ALPK1: variants seen among roughly 807,000 people sequenced by gnomAD.
ALPK1 encodes the protein alpha kinase 1, also known as alpha-protein kinase 1.
In ALPK1, 110 loss-of-function variants were observed where a neutral mutation model predicts 120.6. The ratio of observed to expected loss-of-function variants is 0.91; its 90% CI spans 0.78 to 1.07. The LOEUF (loss-of-function observed/expected upper bound fraction) is 1.07, where lower values mean the gene tolerates loss of function less well. ALPK1 is among the 50% of genes least tolerant of loss of function. The probability of loss-of-function intolerance (pLI) is 0.00; values close to 1 mark genes in which losing one functional copy is unlikely to be tolerated. For missense variants in ALPK1, 1,498 were observed against 1,483.9 expected, an observed-to-expected ratio of 1.01 and a Z score of -0.16; for synonymous variants, 582 against 560.3, an observed-to-expected ratio of 1.04 and a Z score of -0.55.
rs145557510 is a variant in ALPK1 at position 112,299,070 on chromosome 4, C to G, written c.-153+1601C>G. 1.6e-3 allele frequency among the ~76,000 whole-genome samples: 236 copies of G among 152,090 alleles called. 3 individuals carry two copies. The highest frequency in any genetic ancestry group is 5.5e-3 in the African/African-American group (227 of 41,512). ...TTTAAACTTTTGGTGAAAATATATT[C>G]CATATTTTTGTTTTTTTTGTATTTT... On this transcript the variant is annotated intron_variant, in intron 1 of 15. Coordinates refer to ENST00000650871, the MANE Select transcript of ALPK1 (RefSeq NM_025144.4).
At chr4:112,419,193 A>G (rs1733878035) in intron 5 of ALPK1, among the ~76,000 whole-genome samples, 1 of 152,216 alleles carries the variant, frequency 6.6e-6, no homozygotes, top group South Asian at 2.1e-4. Context: ...TTCATTTGAT[A>G]TCTGTCATTT....
intron 2 of ALPK1, among the ~76,000 whole-genome samples, chr4:112,367,983 C>A (rs1043128653): frequency 6.6e-6 from 1 of 152,152 alleles, no homozygotes; most frequent in African/African-American, 2.4e-5. Flanking sequence ...CTCACTCCAA[C>A]CTCTGGCTCC....
chr4:112,376,353 C>G (rs563666080), intron 2 of ALPK1, among the ~76,000 whole-genome samples: 1 of 152,136 alleles, frequency 6.6e-6, no homozygotes, highest in Non-Finnish European at 1.5e-5. Flanking sequence ...GTAATAACCC[C>G]AAGCTTTGCC....
chr4:112,412,305 C>A (rs1308586039), intron 5 of ALPK1: 3 of 594,186 alleles, frequency 5.0e-6, no homozygotes, highest in Non-Finnish European at 9.4e-6. Flanking sequence ...ACAAATCTGT[C>A]CTGCTGCTTT....
rs542475979 is a variant in ALPK1 at position 112,423,859 on chromosome 4, A to G, written c.476-85A>G. 1.4e-4 allele frequency: 177 copies of G among 1,303,694 alleles called. 2 individuals carry two copies. The South Asian group carries it at 2.0e-3, about 15-fold the overall frequency. The allele number at this position is 1,303,694 out of a possible 1,614,324, so 80.8% of individuals were successfully genotyped here. On this transcript the variant is annotated intron_variant, in intron 5 of 15. Coordinates refer to ENST00000650871, the MANE Select transcript of ALPK1 (RefSeq NM_025144.4). ...AGGAGGTTACAGTTCCTGCTGCAAT[A>G]TATCAGTCTTAGAACATGAACAACT...
At chr4:112,405,680 A>G (rs2148744945) in intron 4 of ALPK1, among the ~76,000 whole-genome samples, 1 of 152,218 alleles carries the variant, frequency 6.6e-6, no homozygotes, top group Admixed American at 6.5e-5. Context: ...GATTCAAGTG[A>G]TTCTCCTGCC....
chr4:112,357,535 T>C, intron 2 of ALPK1: 1 of 1,035,606 alleles, frequency 9.7e-7, no homozygotes, highest in Non-Finnish European at 1.5e-6. Context: ...TCAGGGCATC[T>C]GCTTTATCAT....
In ALPK1 at chr4:112,405,766, G is replaced by A. The variant is rs796915405; in HGVS notation, c.277-6061G>A. On this transcript the variant is annotated intron_variant, in intron 4 of 15. Transcript: ENST00000650871. ...AATTTTTTGTATTTTTAGTAGAGACGGGGTTTCACTACGTTGGCCAGGCTG... is the reference window on the plus strand; with the variant it reads ...AATTTTTTGTATTTTTAGTAGAGACAGGGTTTCACTACGTTGGCCAGGCTG... 1.9e-4 allele frequency among the ~76,000 whole-genome samples: 29 copies of A among 152,138 alleles called. 1 individual carries two copies. Among genetic ancestry groups the A allele is most frequent in the African/African-American group, 6.0e-4 (25 of 41,498 alleles).
chr4:112,320,823 T>C (rs948055616), intron 2 of ALPK1, among the ~76,000 whole-genome samples: 4 of 152,068 alleles, frequency 2.6e-5, no homozygotes, highest in African/African-American at 9.7e-5. Context: ...AGTTCATGTG[T>C]GTAAAGGTTT....
chr4:112,309,187 TG>T (rs1411370832), intron 1 of ALPK1, among the ~76,000 whole-genome samples: 1 of 152,018 alleles, frequency 6.6e-6, no homozygotes, highest in Admixed American at 6.5e-5. Flanking sequence ...TTAGGCTACT[TG>T]GGGGTCAGGG....
At chr4:112,328,710 G>A (rs1190874313) in intron 2 of ALPK1, among the ~76,000 whole-genome samples, 1 of 152,112 alleles carries the variant, frequency 6.6e-6, no homozygotes, top group Non-Finnish European at 1.5e-5. Context: ...TTCTACTTTG[G>A]AGGACTAGTT....
At position 112,322,476 on chromosome 4, in the gene ALPK1, T is replaced by C. The variant is rs149988264; in HGVS notation, c.-101+6624T>C. 3.3e-5 allele frequency among the ~76,000 whole-genome samples: 5 copies of C among 152,352 alleles called. No homozygotes were observed. In the East Asian group the frequency reaches 5.8e-4, roughly 18 times the overall value. ...ACAAGATAGGTTACCCAGATTTAGCTTGCATCTGCTTTTATAAACATTTAA... is the reference window on the plus strand; with the variant it reads ...ACAAGATAGGTTACCCAGATTTAGCCTGCATCTGCTTTTATAAACATTTAA... On this transcript the variant is annotated intron_variant, in intron 2 of 15. Coordinates refer to ENST00000650871, the MANE Select transcript of ALPK1 (RefSeq NM_025144.4).
At chr4:112,323,279 A>G (rs2110548064) in intron 2 of ALPK1, among the ~76,000 whole-genome samples, 1 of 152,280 alleles carries the variant, frequency 6.6e-6, no homozygotes, top group East Asian at 1.9e-4. Context: ...TTTTTTCCTC[A>G]AAGTGGTAAA....
chr4:112,320,897 C>CTTT (rs397941407), intron 2 of ALPK1, among the ~76,000 whole-genome samples: 2,540 of 123,556 alleles, frequency 0.021, 148 homozygotes, highest in East Asian at 0.18. Flanking sequence ...CCATTTCTTT[C>CTTT]TTTTTTTTTT....
intron 1 of ALPK1, among the ~76,000 whole-genome samples, chr4:112,301,641 A>G (rs1727791862): frequency 1.3e-5 from 2 of 152,316 alleles, no homozygotes; most frequent in South Asian, 4.1e-4. Flanking sequence ...ATGTTCAACA[A>G]GCACTTGTGA....
intron 1 of ALPK1, among the ~76,000 whole-genome samples, chr4:112,297,945 G>A (rs77727050): frequency 0.013 from 1,937 of 150,074 alleles, 22 homozygotes; most frequent in Non-Finnish European, 0.021. Context: ...TAGGAAACAG[G>A]TAGATAAGGC....
chr4:112,395,151 C>G (rs948065427), intron 4 of ALPK1, among the ~76,000 whole-genome samples: 1 of 152,130 alleles, frequency 6.6e-6, no homozygotes, highest in Non-Finnish European at 1.5e-5. Flanking sequence ...GACAGTCCTG[C>G]AAAGTGAAAT....
In ALPK1 at chr4:112,428,074, G is replaced by A. The variant is rs150527779; in HGVS notation, c.795+409G>A. ...CATCAGTCCCTTGTTCCAGGCTCTC[G>A]TCCTTGATAATAATGACTGCTAATT... On this transcript the variant is annotated intron_variant, in intron 9 of 15. Coordinates refer to ENST00000650871, the MANE Select transcript of ALPK1 (RefSeq NM_025144.4). The A allele has an allele frequency of 5.7e-4, 92 of 160,180 alleles. 1 individual carries two copies. The East Asian group carries it at 0.012, about 22-fold the overall frequency. The allele number at this position is 160,180 out of a possible 1,614,324, so 9.9% of individuals were successfully genotyped here.
At chr4:112,308,382 C>T (rs1212195308) in intron 1 of ALPK1, among the ~76,000 whole-genome samples, 1 of 152,124 alleles carries the variant, frequency 6.6e-6, no homozygotes, top group Non-Finnish European at 1.5e-5. Context: ...CTCTCAGGTA[C>T]ACCAATCAGA....
Sources: allele counts gnomAD v4.1 joint callset (sites outside exome capture counted in the v4.1 genomes callset), GRCh38; gene constraint gnomAD v4.1.1; transcripts MANE v1.5; gene names NCBI Gene and HGNC (gene_info 2026-07-23, HGNC 2026-07-21).